The following PCDH7 variants were observed in gnomAD, a reference collection of about 807,000 sequenced individuals.
PCDH7 encodes the protein protocadherin-7.
In PCDH7, 17 loss-of-function variants were observed where a neutral mutation model predicts 58.9. The ratio of observed to expected loss-of-function variants is 0.29; its 90% CI spans 0.20 to 0.43. The LOEUF (loss-of-function observed/expected upper bound fraction) is 0.43. PCDH7 is among the 20% of genes least tolerant of loss of function. The pLI, the probability that PCDH7 is intolerant of heterozygous loss-of-function variation, is 1.00. For synonymous variants in PCDH7, 664 were observed against 616.4 expected (o/e 1.08, Z -1.14); for missense variants, 1,274 against 1,441.0 (o/e 0.88, Z 1.88).
intron 1 of PCDH7, among the ~76,000 whole-genome samples, chr4:30,872,712 T>G (rs528658571): frequency 6.6e-6 from 1 of 152,222 alleles, no homozygotes; most frequent in African/African-American, 2.4e-5. Flanking sequence ...TCATATGTAG[T>G]TTTTTACATA....
At chr4:30,786,859 C>A in intron 1 of PCDH7, 1 of 560,640 alleles carries the variant, frequency 1.8e-6, no homozygotes, top group Non-Finnish European at 2.3e-6. Context: ...CTGGATTTGT[C>A]TTGTGTAAAA....
intron 3 of PCDH7, among the ~76,000 whole-genome samples, chr4:30,964,536 C>T (rs886400431): frequency 2.6e-5 from 4 of 152,016 alleles, no homozygotes; most frequent in Non-Finnish European, 5.9e-5. Flanking sequence ...CCACCGCACC[C>T]GGCCCAGTAG....
chr4:30,909,361 T>C (rs754332512), intron 1 of PCDH7, among the ~76,000 whole-genome samples: 2 of 152,136 alleles, frequency 1.3e-5, no homozygotes, highest in African/African-American at 4.8e-5. Context: ...AAATAAATGG[T>C]ATTCAAATAG....
rs1712801133 is a variant in PCDH7 at position 31,088,661 on chromosome 4, A to AT, written c.*8-53808dup. Among the ~76,000 whole-genome samples, 2 of 152,034 alleles carry AT rather than the reference A, an allele frequency of 1.3e-5. 1 individual carries two copies. Among genetic ancestry groups the AT allele is most frequent in the South Asian group, 4.1e-4 (2 of 4,830 alleles). ...AATGAAGAGAACATCTTATATTGTG[A>AT]TTTTGCCTAAAAACATTATTGCTGA... On this transcript the variant is annotated intron_variant, in intron 3 of 3. Transcript: ENST00000509759.
chr4:31,140,307 T>C (rs1420611682), intron 3 of PCDH7, among the ~76,000 whole-genome samples: 1 of 152,098 alleles, frequency 6.6e-6, no homozygotes, highest in Non-Finnish European at 1.5e-5. Context: ...TAAGTCACTG[T>C]GTAAGTGAAA....
chr4:31,143,188 C>T (rs66518510), downstream of PCDH7: 7,817 of 186,306 alleles, frequency 0.042, 339 homozygotes, highest in African/African-American at 0.12. Context: ...CTGTACGAAG[C>T]CTGATTAGCA....
chr4:31,023,139 C>G (rs1754161994), intron 3 of PCDH7, among the ~76,000 whole-genome samples: 1 of 152,104 alleles, frequency 6.6e-6, no homozygotes, highest in Non-Finnish European at 1.5e-5. Context: ...GTGGGCTAGG[C>G]AGTGAGGTCA....
downstream of PCDH7, chr4:31,146,309 A>G (rs986720102): frequency 6.6e-6 from 1 of 151,958 alleles, no homozygotes; most frequent in African/African-American, 2.4e-5. Flanking sequence ...AATCTTAGGT[A>G]TATGCTCTCA....
chr4:30,854,937 C>T (rs568617814), intron 1 of PCDH7, among the ~76,000 whole-genome samples: 1 of 152,222 alleles, frequency 6.6e-6, no homozygotes, highest in South Asian at 2.1e-4. Context: ...ATTATTTATA[C>T]CTTACTGATC....
chr4:31,056,321 T>C (rs1278220597), intron 3 of PCDH7, among the ~76,000 whole-genome samples: 2 of 148,768 alleles, frequency 1.3e-5, no homozygotes, highest in South Asian at 2.1e-4. Context: ...TAAGCCGTAA[T>C]AGTGTCACTG....
intron 1 of PCDH7, among the ~76,000 whole-genome samples, chr4:30,762,836 A>G (rs1720199061): frequency 6.6e-6 from 1 of 152,212 alleles, no homozygotes. Context: ...AGTTTACTGG[A>G]TGCTTATTTA....
At position 30,793,516 on chromosome 4, in the gene PCDH7, C is replaced by T. The variant is rs547855755; in HGVS notation, c.70+68920C>T. Among the ~76,000 whole-genome samples, 7 of 151,278 alleles carry T rather than the reference C, an allele frequency of 4.6e-5. No individual in the cohort carries two copies. The South Asian group carries it at 1.0e-3, about 23-fold the overall frequency. ...GTGACCTAAGCCATTGTATTCCCAA[C>T]GGGTTTAGTGAAGACAATTAAAAAA... On this transcript the variant is annotated intron_variant, in intron 1 of 3. Coordinates refer to the PCDH7 transcript ENST00000509759.
intron 1 of PCDH7, among the ~76,000 whole-genome samples, chr4:30,856,805 A>T (rs1488364908): frequency 6.6e-6 from 1 of 151,952 alleles, no homozygotes; most frequent in African/African-American, 2.4e-5. Context: ...GCAACCAACT[A>T]AAAATATGAA....
chr4:30,837,642 C>G (rs527884125), intron 1 of PCDH7, among the ~76,000 whole-genome samples: 1 of 151,650 alleles, frequency 6.6e-6, no homozygotes, highest in African/African-American at 2.4e-5. Context: ...AGTTAATAAA[C>G]GCAAAGGTTT....
chr4:30,842,728 G>A (rs568806840), intron 1 of PCDH7, among the ~76,000 whole-genome samples: 1 of 152,220 alleles, frequency 6.6e-6, no homozygotes, highest in East Asian at 1.9e-4. Flanking sequence ...TCTGTAGGAG[G>A]CATTGAAAGA....
intron 3 of PCDH7, among the ~76,000 whole-genome samples, chr4:31,084,649 A>G (rs1011614249): frequency 4.7e-4 from 58 of 122,968 alleles, no homozygotes; most frequent in African/African-American, 1.8e-3. Context: ...GGAAAGCAGG[A>G]GCAAGAAAGA....
intron 3 of PCDH7, among the ~76,000 whole-genome samples, chr4:31,017,469 C>T (rs1753707540): frequency 6.6e-6 from 1 of 152,082 alleles, no homozygotes; most frequent in Admixed American, 6.5e-5. Flanking sequence ...GCCTAACAGA[C>T]TTTCGGAATC....
chr4:30,933,451 A>G (rs1225884975), intron 2 of PCDH7, among the ~76,000 whole-genome samples: 2 of 152,148 alleles, frequency 1.3e-5, no homozygotes, highest in African/African-American at 4.8e-5. Flanking sequence ...GTCCGCTACT[A>G]ACCACAATCT....
chr4:30,985,358 CATT>C (rs970164918), intron 3 of PCDH7, among the ~76,000 whole-genome samples: 9 of 152,052 alleles, frequency 5.9e-5, no homozygotes, highest in African/African-American at 1.4e-4. Flanking sequence ...TTTCGGGAAA[CATT>C]ATAGACTATT....
Sources: gnomAD v4.1 joint callset for allele counts (sites outside exome capture counted in the v4.1 genomes callset) on GRCh38, gnomAD v4.1.1 for gene constraint, MANE v1.5 for transcripts, NCBI Gene and HGNC (gene_info 2026-07-23, HGNC 2026-07-21) for gene names.